Variants in DAPK2 observed in about 807,000 individuals in gnomAD.
DAPK2 encodes death-associated protein kinase 2.
A neutral mutation model predicts 44.1 loss-of-function variants in DAPK2; 35 were observed. The ratio of observed to expected loss-of-function variants is 0.79; its 90% CI spans 0.61 to 1.05. The LOEUF (loss-of-function observed/expected upper bound fraction) is 1.05. Ranked by LOEUF, DAPK2 falls within the 50% of genes least tolerant of loss-of-function variation. DAPK2 has a pLI of 0.00. For missense variants in DAPK2, 453 were observed against 483.2 expected (o/e 0.94, Z 0.59); for synonymous variants, 174 against 182.6 (o/e 0.95, Z 0.38).
chr15:63,983,247 C>T (rs1376711159), intron 2 of DAPK2, among the ~76,000 whole-genome samples: 1 of 152,200 alleles, frequency 6.6e-6, no homozygotes, highest in Non-Finnish European at 1.5e-5. Flanking sequence ...GTCATTTCTT[C>T]CCTTTGATCT....
chr15:64,040,304 C>T, upstream of DAPK2: 1 of 1,536,572 alleles, frequency 6.5e-7, no homozygotes. Context: ...GGACAGCCAT[C>T]CAAATTAGCA....
chr15:64,042,348 C>T (rs2080371269), upstream of DAPK2, among the ~76,000 whole-genome samples: 1 of 151,628 alleles, frequency 6.6e-6, no homozygotes, highest in South Asian at 2.1e-4. The surrounding 1 kb of genome is among the most constrained non-coding windows in gnomAD (Gnocchi z 4.7). Flanking sequence ...ATCTTCTTTT[C>T]AATGGAAAAA....
In DAPK2 at chr15:63,916,916, G is replaced by A. The variant is rs2078942873; in HGVS notation, c.859-4719C>T. The A allele has an allele frequency of 6.6e-6, 1 of 152,236 alleles. No homozygotes were observed. Among genetic ancestry groups the A allele is most frequent in the Non-Finnish European group, 1.5e-5 (1 of 68,062 alleles). The allele number at this position is 152,236 out of a possible 1,614,324, so 9.4% of individuals were successfully genotyped here. On this transcript the variant is annotated intron_variant, in intron 8 of 10. Coordinates refer to ENST00000261891, the Ensembl canonical transcript of DAPK2. This position sits in a 1 kb window ranked among gnomAD's most constrained non-coding sequence, Gnocchi z 4.7. Reference sequence around the variant, plus strand: ...GAGACGTAGCAACCAAATGCCACATGTGGACTGTTTGGATCCTGATTTGAA... The same window carrying A: ...GAGACGTAGCAACCAAATGCCACATATGGACTGTTTGGATCCTGATTTGAA...
intron 1 of DAPK2, among the ~76,000 whole-genome samples, chr15:64,016,016 G>C (rs1241575901): frequency 7.9e-5 from 12 of 152,246 alleles, no homozygotes; most frequent in Admixed American, 7.9e-4. Flanking sequence ...GGGGGCATAG[G>C]GAGGAAGGCT....
intron 5 of DAPK2, 63 bp downstream of exon 6, chr15:63,930,344 G>C: frequency 6.7e-7 from 1 of 1,490,530 alleles, no homozygotes; most frequent in Non-Finnish European, 9.4e-7. Context: ...ACCTGGAGCA[G>C]GATCTGAGGC....
chr15:64,013,972 C>T lies in DAPK2; in HGVS notation c.92+26198G>A, dbSNP rs2079454751. Reference sequence around the variant, plus strand: ...CTGGCAGCTGTGCCAGAAAGAAACACCTTCTAGCCAGGGTTCTGGCCAGGA... The same window carrying T: ...CTGGCAGCTGTGCCAGAAAGAAACATCTTCTAGCCAGGGTTCTGGCCAGGA... On this transcript the variant is annotated intron_variant, in intron 1 of 10. Coordinates refer to ENST00000261891, the Ensembl canonical transcript of DAPK2. The surrounding 1 kb of genome is among the most constrained non-coding windows in gnomAD (Gnocchi z 4.7). Among the ~76,000 whole-genome samples the T allele has an allele frequency of 6.6e-6, 1 of 152,330 alleles. No homozygotes were observed. Among genetic ancestry groups the T allele is most frequent in the African/African-American group, 2.4e-5 (1 of 41,566 alleles).
intron 1 of DAPK2, among the ~76,000 whole-genome samples, chr15:63,989,216 G>A (rs1051764944): frequency 1.9e-4 from 28 of 148,352 alleles, no homozygotes; most frequent in African/African-American, 7.0e-4. Flanking sequence ...AAAAAGCCAG[G>A]CAAGGTGGCA....
intron 1 of DAPK2, among the ~76,000 whole-genome samples, chr15:64,001,020 C>A (rs1216310657): frequency 6.6e-6 from 1 of 152,100 alleles, no homozygotes; most frequent in South Asian, 2.1e-4. Flanking sequence ...GGTGGGATTA[C>A]AGGTACGTGC....
chr15:64,003,017 G>T (rs932463920), intron 1 of DAPK2, among the ~76,000 whole-genome samples: 2 of 64,832 alleles, frequency 3.1e-5, no homozygotes, highest in Admixed American at 1.6e-4. Flanking sequence ...TGTGTGTGTC[G>T]TGGGACCAGA....
intron 10 of DAPK2, chr15:63,909,797 G>A (rs1028785741): frequency 5.3e-5 from 4 of 74,790 alleles, no homozygotes; most frequent in African/African-American, 2.6e-4. Flanking sequence ...GTGAGACTCT[G>A]TCTCAAAAAA....
At chr15:63,927,183 C>G (rs764603918) in intron 6 of DAPK2, among the ~76,000 whole-genome samples, 1 of 152,172 alleles carries the variant, frequency 6.6e-6, no homozygotes, top group Non-Finnish European at 1.5e-5. Context: ...ACTAAGGGCT[C>G]TGGAATTAAT....
At chr15:64,016,832 GA>G (rs1176051179) in intron 1 of DAPK2, among the ~76,000 whole-genome samples, 6 of 100,496 alleles carry the variant, frequency 6.0e-5, no homozygotes, top group Non-Finnish European at 8.3e-5. Context: ...GGGAAGGAAG[GA>G]AGGAGGGAAG....
intron 2 of DAPK2, among the ~76,000 whole-genome samples, chr15:63,982,489 G>A (rs1339769783): frequency 6.6e-6 from 1 of 152,022 alleles, no homozygotes; most frequent in Non-Finnish European, 1.5e-5. Context: ...CACCAGGCCA[G>A]AACATTCTTT....
At chr15:64,005,109 C>T (rs74021224) in intron 1 of DAPK2, among the ~76,000 whole-genome samples, 6,213 of 152,086 alleles carry the variant, frequency 0.041, 431 homozygotes, top group African/African-American at 0.14. Flanking sequence ...GCCTCAGGCC[C>T]CCACTTCAGG....
intron 1 of DAPK2, among the ~76,000 whole-genome samples, chr15:64,004,275 G>C (rs2079170042): frequency 6.6e-6 from 1 of 152,152 alleles, no homozygotes; most frequent in African/African-American, 2.4e-5. Context: ...TAAATGAGTA[G>C]CTGGATCTAG....
chr15:64,002,170 C>A lies in DAPK2; in HGVS notation c.93-18416G>T, dbSNP rs1360100310. Among the ~76,000 whole-genome samples, 3 of 152,208 alleles carry A rather than the reference C, an allele frequency of 2.0e-5. No individual in the cohort carries two copies. The East Asian group carries it at 5.8e-4, about 29-fold the overall frequency. On this transcript the variant is annotated intron_variant, in intron 1 of 10. Transcript: ENST00000261891. The stretch of plus-strand genomic sequence containing the variant: ...AGGGCCCTGGGGAGAGTGGCACAGT[C>A]AACCTCCAAGGTGGCACCTCTGATC...
chr15:64,034,806 G>C (rs1257684376), intron 1 of DAPK2, among the ~76,000 whole-genome samples: 4 of 152,078 alleles, frequency 2.6e-5, no homozygotes, highest in Non-Finnish European at 5.9e-5. Context: ...TGGTAGATTT[G>C]GATTAAATTT....
intron 2 of DAPK2, among the ~76,000 whole-genome samples, chr15:63,975,723 T>A (rs2078327290): frequency 6.6e-6 from 1 of 152,110 alleles, no homozygotes; most frequent in Non-Finnish European, 1.5e-5. Context: ...CTCAGCCTCC[T>A]GAGTAGCTGA....
chr15:64,013,222 G>C lies in DAPK2; in HGVS notation c.92+26948C>G, dbSNP rs2079435281. On this transcript the variant is annotated intron_variant, in intron 1 of 10. Coordinates refer to ENST00000261891, the Ensembl canonical transcript of DAPK2. This position sits in a 1 kb window ranked among gnomAD's most constrained non-coding sequence, Gnocchi z 4.7. ...TTGGTTGTTCTGTAAAATGAGACCA[G>C]TCTAACTCCCTTGTTCTGCATGGGA... Among the ~76,000 whole-genome samples the C allele has an allele frequency of 6.6e-6, 1 of 152,204 alleles. No individual in the cohort carries two copies. The highest frequency in any genetic ancestry group is 6.5e-5 in the Admixed American group (1 of 15,282).
Sources: gnomAD v4.1 joint callset for allele counts (sites outside exome capture counted in the v4.1 genomes callset) on GRCh38, gnomAD v4.1.1 for gene constraint, Gnocchi (gnomAD v3.1) non-coding constraint, MANE v1.5 for transcripts, NCBI Gene and HGNC (gene_info 2026-07-23, HGNC 2026-07-21) for gene names.